Variants in MED13 observed in about 807,000 individuals in gnomAD.
MED13 encodes the protein mediator of RNA polymerase II transcription subunit 13.
A neutral mutation model predicts 225.2 loss-of-function variants in MED13; 23 were observed. The observed-to-expected ratio is 0.10, with a 90% CI of 0.07 to 0.14. The LOEUF is 0.14. MED13 is among the 10% of genes least tolerant of loss of function. The probability of loss-of-function intolerance (pLI) is 1.00; values close to 1 mark genes in which losing one functional copy is unlikely to be tolerated. For missense variants in MED13, 2,197 were observed against 2,594.5 expected, an observed-to-expected ratio of 0.85 and a Z score of 3.33; for synonymous variants, 942 against 889.2, an observed-to-expected ratio of 1.06 and a Z score of -1.06.
chr17:61,946,784 T>A (rs1020275642), intron 29 of MED13, 133 bp downstream of exon 29: 2 of 1,069,182 alleles, frequency 1.9e-6, no homozygotes. Context: ...CAAGTTAGAA[T>A]AGCAGTGTTT....
At position 61,982,378 on chromosome 17, in the gene MED13, CT is replaced by C; in HGVS notation, c.3624del (p.Asp1209IlefsTer8). The C allele has an allele frequency of 6.2e-7, 1 of 1,614,208 alleles. No homozygotes were observed. Among genetic ancestry groups the C allele is most frequent in the Non-Finnish European group, 8.5e-7 (1 of 1,180,048 alleles). ...ATTACACCACTTTTAGGAAAAGGAT[CT>C]TGGTCTGCTGCTCCAAAGGGTGAAA... The part of the protein sequence containing the change: ...NLFSPFGAAD[Q>X]DPFPKSGVIS... On this transcript the variant is annotated frameshift_variant, in exon 16 of 30. Transcript: ENST00000397786. LOFTEE classifies it high-confidence loss of function.
At chr17:62,037,322 T>C (rs1417209952) in intron 3 of MED13, among the ~76,000 whole-genome samples, 3 of 151,462 alleles carry the variant, frequency 2.0e-5, no homozygotes, top group Non-Finnish European at 4.4e-5. Flanking sequence ...CTAAAAATAA[T>C]ATAACTAAAA....
chr17:62,031,328 T>C (rs1374599340), intron 6 of MED13, 116 bp downstream of exon 6: 2 of 919,232 alleles, frequency 2.2e-6, no homozygotes, highest in Admixed American at 3.3e-5. Flanking sequence ...TTACTTGTAC[T>C]ACACTTGTAA....
At chr17:62,047,363 T>C (rs2080907711) in intron 3 of MED13, among the ~76,000 whole-genome samples, 1 of 152,126 alleles carries the variant, frequency 6.6e-6, no homozygotes, top group Admixed American at 6.6e-5. Flanking sequence ...AGAGCAAGAC[T>C]TCATCTCAAA....
chr17:62,011,921 G>GT (rs1401153805), intron 8 of MED13, among the ~76,000 whole-genome samples: 1 of 152,094 alleles, frequency 6.6e-6, no homozygotes, highest in Non-Finnish European at 1.5e-5. Context: ...ATTTTGTTAA[G>GT]TTTAAGATTT....
intron 9 of MED13, among the ~76,000 whole-genome samples, chr17:62,001,341 T>C (rs2080392963): frequency 6.6e-6 from 1 of 152,220 alleles, no homozygotes; most frequent in Non-Finnish European, 1.5e-5. Flanking sequence ...CTACTTCTAA[T>C]TTCCCAGTGT....
In MED13 at chr17:62,060,475, C is replaced by T. The variant is rs192308124; in HGVS notation, c.301+2592G>A. 2.3e-3 allele frequency among the ~76,000 whole-genome samples: 356 copies of T among 151,646 alleles called. 1 individual carries two copies. Among genetic ancestry groups the T allele is most frequent in the African/African-American group, 8.3e-3 (342 of 41,386 alleles). On this transcript the variant is annotated intron_variant, in intron 2 of 29. Transcript: ENST00000397786. ...CTCTATTAAAAATACAAAAAATTAG[C>T]CGGGCGTGGTGGTGGGCGCCTGTAG...
At position 61,962,553 on chromosome 17, in the gene MED13, G is replaced by C. The variant is rs1160598009; in HGVS notation, c.5064+199C>G. 2.0e-5 allele frequency among the ~76,000 whole-genome samples: 3 copies of C among 151,854 alleles called. No homozygotes were observed. The South Asian group carries it at 6.2e-4, about 32-fold the overall frequency. ...GTACTTAATGGAATTTTTTTATTCT[G>C]TATTATTACTGTCATATGACTATAA... On this transcript the variant is annotated intron_variant, in intron 21 of 29. Transcript: ENST00000397786.
At chr17:62,055,823 A>C (rs998672304) in intron 2 of MED13, among the ~76,000 whole-genome samples, 1 of 152,104 alleles carries the variant, frequency 6.6e-6, no homozygotes, top group African/African-American at 2.4e-5. Flanking sequence ...TCCATCTCAA[A>C]AAAAAAAAGA....
chr17:61,960,927 C>G lies in MED13; in HGVS notation c.5420G>C (p.Cys1807Ser). ...TAAAAGTTCTCCATATAGATCTGTG[C>G]AAGATGCAAGAATCCACCTTTGATC... The part of the protein sequence containing the change: ...SHDQRWILAS[C>S]TDLYGELLET... The change falls in exon 23 of 30, where the codon TGC (cysteine) becomes TCC (serine). Residue 1807 changes from cysteine to serine, a missense_variant. This residue lies in a region of MED13 where 78 missense variants were observed against 82.1 expected (regional missense o/e 0.95). Coordinates refer to ENST00000397786, the MANE Select transcript of MED13 (RefSeq NM_005121.3). The G allele has an allele frequency of 6.2e-7, 1 of 1,613,712 alleles. No homozygotes were observed. The highest frequency in any genetic ancestry group is 8.5e-7 in the Non-Finnish European group (1 of 1,179,886).
chr17:62,055,770 C>T (rs9901480), intron 2 of MED13, among the ~76,000 whole-genome samples: 2,260 of 151,618 alleles, frequency 0.015, 54 homozygotes, highest in African/African-American at 0.051. Context: ...TGCAGTAAAC[C>T]GAGATCACGC....
In MED13 at chr17:61,961,785, A is replaced by AAGT. The variant is rs750437311; in HGVS notation, c.5065-9_5065-7dup. The AAGT allele has an allele frequency of 1.3e-5, 21 of 1,608,436 alleles. No individual in the cohort carries two copies. The Admixed American group carries it at 2.9e-4, about 22-fold the overall frequency. On this transcript the variant is annotated splice_polypyrimidine_tract_variant and splice_region_variant and intron_variant, in intron 21 of 29. Coordinates refer to ENST00000397786, the MANE Select transcript of MED13 (RefSeq NM_005121.3). ...AGGTACTGACAAGGAATAATCTAAG[A>AAGT]AGTATAGGCAAATATTACAAATGTT...
chr17:62,013,224 C>A (rs532385880), intron 8 of MED13, among the ~76,000 whole-genome samples: 29 of 152,110 alleles, frequency 1.9e-4, no homozygotes, highest in East Asian at 1.9e-4. Flanking sequence ...ATATTAAAAT[C>A]AAAGATATTA....
rs772554913 is a variant in MED13, at chr17:61,956,485, T to G, written c.5481-4A>C. ...AGAACTTTTTTTCCGACGAGCCCTA[T>G]TGTGTGAATAAAGAGAGTGTCATAA... On this transcript the variant is annotated splice_region_variant and splice_polypyrimidine_tract_variant and intron_variant, in intron 23 of 29. Coordinates refer to ENST00000397786, the MANE Select transcript of MED13 (RefSeq NM_005121.3). The G allele has an allele frequency of 1.3e-5, 21 of 1,599,696 alleles. No homozygotes were observed. The highest frequency in any genetic ancestry group is 1.8e-5 in the Admixed American group (1 of 55,452).
chr17:62,005,385 C>G (rs528492415), intron 9 of MED13: 12 of 152,212 alleles, frequency 7.9e-5, no homozygotes, highest in Admixed American at 7.2e-4. Flanking sequence ...ACAGACTGAT[C>G]ACTTGAGATC....
At chr17:61,952,783 C>G (rs536981498) in intron 27 of MED13, among the ~76,000 whole-genome samples, 182 bp downstream of exon 27, 1 of 152,238 alleles carries the variant, frequency 6.6e-6, no homozygotes, top group South Asian at 2.1e-4. Context: ...ACTACAGGTG[C>G]GTGCCACCTT....
intron 5 of MED13, 88 bp from the exon 6 acceptor site, chr17:62,031,726 G>A (rs975725296): frequency 5.5e-6 from 4 of 722,238 alleles, no homozygotes; most frequent in Non-Finnish European, 8.2e-6. Flanking sequence ...TGGAAAAGTA[G>A]GTATCACATT....
At chr17:62,057,672 T>A (rs769972208) in intron 2 of MED13, among the ~76,000 whole-genome samples, 1 of 152,196 alleles carries the variant, frequency 6.6e-6, no homozygotes, top group Non-Finnish European at 1.5e-5. Context: ...AATTAAAACA[T>A]CCAAAATTAA....
chr17:61,983,158 G>A, intron 15 of MED13, 44 bp from the exon 16 acceptor site: 1 of 1,413,600 alleles, frequency 7.1e-7, no homozygotes, highest in Non-Finnish European at 9.5e-7. Context: ...ATATATAAAG[G>A]AACATATTAG....
Sources: gnomAD v4.1 joint callset for allele counts (sites outside exome capture counted in the v4.1 genomes callset) on GRCh38, gnomAD v4.1.1 for gene constraint, gnomAD v4.1.1 regional missense constraint, MANE v1.5 for transcripts, NCBI Gene and HGNC (gene_info 2026-07-23, HGNC 2026-07-21) for gene names.